Variants in LDLRAD3 observed in about 807,000 individuals in gnomAD.
The protein encoded by LDLRAD3 is low-density lipoprotein receptor class A domain-containing protein 3.
In LDLRAD3, 20 loss-of-function variants were observed where a neutral mutation model predicts 29.4. That is an observed-to-expected ratio of 0.68 (90% CI 0.48 to 0.99). LDLRAD3 has a LOEUF of 0.99. LDLRAD3 is among the 50% of genes least tolerant of loss of function. The probability of loss-of-function intolerance (pLI) is 0.00; values close to 1 mark genes in which losing one functional copy is unlikely to be tolerated. For synonymous variants in LDLRAD3, 157 were observed against 192.7 expected (o/e 0.81, Z 1.53); for missense variants, 420 against 454.3 (o/e 0.92, Z 0.69).
At chr11:36,211,885 A>G (rs904549509) in intron 4 of LDLRAD3, among the ~76,000 whole-genome samples, 1 of 152,192 alleles carries the variant, frequency 6.6e-6, no homozygotes, top group African/African-American at 2.4e-5. Context: ...TTGAGTTAGC[A>G]GTATTCGCTC....
intron 2 of LDLRAD3, among the ~76,000 whole-genome samples, chr11:36,066,122 G>A (rs991059299): frequency 4.0e-5 from 6 of 151,522 alleles, no homozygotes; most frequent in African/African-American, 1.5e-4. Context: ...ATTCAGACTT[G>A]AAAACTGTCT....
intron 1 of LDLRAD3, among the ~76,000 whole-genome samples, chr11:35,989,889 C>G (rs1211906198): frequency 6.6e-6 from 1 of 152,048 alleles, no homozygotes; most frequent in Non-Finnish European, 1.5e-5. Flanking sequence ...TTTGGATGCC[C>G]TTCCTTTCTT....
At chr11:35,971,534 A>G (rs1241705302) in intron 1 of LDLRAD3, among the ~76,000 whole-genome samples, 2 of 152,200 alleles carry the variant, frequency 1.3e-5, no homozygotes, top group African/African-American at 4.8e-5. Context: ...CAGAGGAAGG[A>G]CCATGTGCAG....
intron 4 of LDLRAD3, among the ~76,000 whole-genome samples, chr11:36,149,213 A>G (rs1394817022): frequency 6.6e-6 from 1 of 152,176 alleles, no homozygotes. Context: ...TCTTGAGGGA[A>G]TGATCAGGCA....
At position 35,983,694 on chromosome 11, in the gene LDLRAD3, G is replaced by A. The variant is rs796673677; in HGVS notation, c.46+39550G>A. ...CACCCAGGCTGGAGTGTAGTGGTGC[G>A]ATCTCAGCTCACTGCAACCTCTGCC... On this transcript the variant is annotated intron_variant, in intron 1 of 5. Coordinates refer to ENST00000315571, the MANE Select transcript of LDLRAD3 (RefSeq NM_174902.4). 7.2e-5 allele frequency among the ~76,000 whole-genome samples: 11 copies of A among 152,216 alleles called. 1 individual carries two copies. The highest frequency in any genetic ancestry group is 2.4e-4 in the African/African-American group (10 of 41,530).
intron 2 of LDLRAD3, among the ~76,000 whole-genome samples, chr11:36,069,423 A>G (rs1187792587): frequency 6.6e-6 from 1 of 152,254 alleles, no homozygotes; most frequent in Non-Finnish European, 1.5e-5. Flanking sequence ...AATAGCAGCA[A>G]CATCAGATCG....
chr11:35,962,637 A>C (rs943205019), intron 1 of LDLRAD3, among the ~76,000 whole-genome samples: 4 of 152,164 alleles, frequency 2.6e-5, no homozygotes, highest in Non-Finnish European at 5.9e-5. Context: ...ATGAAATAGA[A>C]ATGCCCTTTC....
At chr11:36,129,090 T>C (rs181256108) in intron 4 of LDLRAD3, among the ~76,000 whole-genome samples, 77 of 152,132 alleles carry the variant, frequency 5.1e-4, no homozygotes, top group Non-Finnish European at 9.0e-4. Flanking sequence ...AGAGGAATAA[T>C]GATGAGGGAA....
intron 1 of LDLRAD3, among the ~76,000 whole-genome samples, chr11:35,953,304 G>A (rs1851160865): frequency 6.6e-6 from 1 of 152,192 alleles, no homozygotes; most frequent in South Asian, 2.1e-4. Flanking sequence ...CAGGCCTTGG[G>A]CATCCGGGTG....
intron 1 of LDLRAD3, among the ~76,000 whole-genome samples, chr11:36,027,925 C>T (rs1852188472): frequency 1.3e-5 from 2 of 152,210 alleles, no homozygotes; most frequent in African/African-American, 4.8e-5. Context: ...CTCACTTCCT[C>T]CTGCTGCTGC....
intron 1 of LDLRAD3, among the ~76,000 whole-genome samples, chr11:35,980,387 T>A (rs1414122475): frequency 5.3e-5 from 8 of 152,186 alleles, no homozygotes; most frequent in Admixed American, 1.3e-4. Flanking sequence ...GTAGATTAGT[T>A]AGTTGGTTTG....
chr11:36,025,774 A>ATTTTTTTT (rs754006718), intron 1 of LDLRAD3, among the ~76,000 whole-genome samples: 1 of 84,414 alleles, frequency 1.2e-5, no homozygotes. Flanking sequence ...CCTGAATTTG[A>ATTTTTTTT]TTTTTTTTTT....
chr11:36,136,951 A>G lies in LDLRAD3; in HGVS notation c.454+38490A>G, dbSNP rs533769621. 7.9e-5 allele frequency among the ~76,000 whole-genome samples: 12 copies of G among 152,258 alleles called. No homozygotes were observed. The South Asian group carries it at 1.9e-3, about 24-fold the overall frequency. ...AGTGATCCACCTGCCTCAGCCTCCC[A>G]AAGTGCTGGGATTACAGGCATGAGC... On this transcript the variant is annotated intron_variant, in intron 4 of 5. Coordinates refer to ENST00000315571, the MANE Select transcript of LDLRAD3 (RefSeq NM_174902.4).
intron 4 of LDLRAD3, among the ~76,000 whole-genome samples, chr11:36,179,439 A>G (rs960188399): frequency 3.3e-5 from 5 of 152,058 alleles, no homozygotes; most frequent in Admixed American, 2.0e-4. Flanking sequence ...GTGCCACTGC[A>G]CTCCAGCCTG....
intron 3 of LDLRAD3, among the ~76,000 whole-genome samples, chr11:36,083,828 G>T (rs1187483155): frequency 1.3e-5 from 2 of 151,534 alleles, no homozygotes; most frequent in African/African-American, 4.9e-5. Context: ...ACGCATTATA[G>T]TATAAGCATT....
chr11:35,951,779 A>G (rs1851138296), intron 1 of LDLRAD3, among the ~76,000 whole-genome samples: 1 of 152,204 alleles, frequency 6.6e-6, no homozygotes. Context: ...GGTCACTTCA[A>G]CCTGTGTAGT....
rs1853265191 is a variant in LDLRAD3 at position 36,090,552 on chromosome 11, T to C, written c.320-7775T>C. On this transcript the variant is annotated intron_variant, in intron 3 of 5. Coordinates refer to ENST00000315571, the MANE Select transcript of LDLRAD3 (RefSeq NM_174902.4). ...TCCCCGGAAAAGGCAGGGTTGGGTG[T>C]TGGACAGGAGATAACCATGTCCAGG... 2.6e-5 allele frequency among the ~76,000 whole-genome samples: 4 copies of C among 152,138 alleles called. No homozygotes were observed. In the South Asian group the frequency reaches 8.3e-4, roughly 32 times the overall value.
At chr11:36,045,011 A>G (rs1237327450) in intron 2 of LDLRAD3, among the ~76,000 whole-genome samples, 1 of 151,948 alleles carries the variant, frequency 6.6e-6, no homozygotes, top group Non-Finnish European at 1.5e-5. Flanking sequence ...AGTCAGCACC[A>G]CTCCCTATGG....
chr11:35,953,402 A>G (rs1565120618), intron 1 of LDLRAD3, among the ~76,000 whole-genome samples: 1 of 152,168 alleles, frequency 6.6e-6, no homozygotes, highest in Non-Finnish European at 1.5e-5. Flanking sequence ...TGGGACACTT[A>G]TGTGTTTGTT....
Sources: gnomAD v4.1 joint callset for allele counts (sites outside exome capture counted in the v4.1 genomes callset) on GRCh38, gnomAD v4.1.1 for gene constraint, MANE v1.5 for transcripts, NCBI Gene and HGNC (gene_info 2026-07-23, HGNC 2026-07-21) for gene names.